Variants in OSBPL2 observed in about 807,000 individuals in gnomAD.
The protein encoded by OSBPL2 is oxysterol-binding protein-related protein 2.
OSBPL2 carries 18 observed loss-of-function variants against 58.4 expected under a neutral mutation model. The ratio of observed to expected loss-of-function variants is 0.31; its 90% CI spans 0.21 to 0.46. The LOEUF (loss-of-function observed/expected upper bound fraction) is 0.46. OSBPL2 is among the 20% of genes least tolerant of loss of function. OSBPL2 has a pLI of 1.00. For missense variants in OSBPL2, 461 were observed against 616.5 expected, an observed-to-expected ratio of 0.75 and a Z score of 2.67; for synonymous variants, 221 against 234.1, an observed-to-expected ratio of 0.94 and a Z score of 0.51.
chr20:62,258,285 A>G (rs1215934639), intron 2 of OSBPL2, among the ~76,000 whole-genome samples: 2 of 152,230 alleles, frequency 1.3e-5, no homozygotes, highest in Non-Finnish European at 2.9e-5. Context: ...ATGCGATGAA[A>G]TACCCGTGCT....
Position 62,283,900 on chromosome 20 carries a change from A to G in OSBPL2, c.873-146A>G, listed in dbSNP as rs1259193578. The G allele has an allele frequency of 3.8e-6, 3 of 790,654 alleles. No homozygotes were observed. The Admixed American group carries it at 8.3e-5, about 22-fold the overall frequency. The allele number at this position is 790,654 out of a possible 1,614,324, so 49.0% of individuals were successfully genotyped here. A position where few individuals can be genotyped will look rare whatever the true frequency, so the allele number is the denominator to read the frequency against. On this transcript the variant is annotated intron_variant, in intron 9 of 13. Transcript: ENST00000313733. ...GGCTACGAATGGTCCCAGAATGCAA[A>G]TTTTCACCTTCGCATTTATGTCCAG...
rs936802031 is a variant in OSBPL2 at position 62,295,914 on chromosome 20, A to C, written c.*2027A>C. On this transcript the variant is annotated 3_prime_UTR_variant, in exon 14 of 14. Coordinates refer to ENST00000313733, the MANE Select transcript of OSBPL2 (RefSeq NM_144498.4). The surrounding 1 kb of genome is among the most constrained non-coding windows in gnomAD (Gnocchi z 4.8). ...CGGGTTTGTTTCCAAGTCCTCTTCTAGGACCAGGCTCCTGGTATTTCAGGG... is the reference window on the plus strand; with the variant it reads ...CGGGTTTGTTTCCAAGTCCTCTTCTCGGACCAGGCTCCTGGTATTTCAGGG... The C allele has an allele frequency of 6.6e-5, 10 of 152,230 alleles. No individual in the cohort carries two copies. Among genetic ancestry groups the C allele is most frequent in the African/African-American group, 2.2e-4 (9 of 41,454 alleles). The allele number at this position is 152,230 out of a possible 1,614,324, so 9.4% of individuals were successfully genotyped here.
chr20:62,243,412 G>C (rs1233691031), intron 1 of OSBPL2, among the ~76,000 whole-genome samples: 2 of 152,042 alleles, frequency 1.3e-5, no homozygotes, highest in Non-Finnish European at 1.5e-5. Flanking sequence ...AGAGGTGCCC[G>C]AGGAGCCCTA....
intron 1 of OSBPL2, among the ~76,000 whole-genome samples, chr20:62,243,031 C>T (rs1263631545): frequency 6.6e-6 from 1 of 152,312 alleles, no homozygotes; most frequent in East Asian, 1.9e-4. Flanking sequence ...AAAGAGCCCC[C>T]TGTAACCTGG....
chr20:62,263,593 C>T (rs373487900), intron 3 of OSBPL2, 23 bp from the exon 4 acceptor site: 27 of 1,605,472 alleles, frequency 1.7e-5, no homozygotes, highest in African/African-American at 1.1e-4. Flanking sequence ...TTCACCCACA[C>T]GCACCCCTTT....
chr20:62,291,350 G>A (rs1983496539), intron 12 of OSBPL2: 1 of 368,004 alleles, frequency 2.7e-6, no homozygotes, highest in Non-Finnish European at 5.3e-6. Flanking sequence ...CACAGGTGGG[G>A]CTGGCTCCCC....
Position 62,293,867 on chromosome 20 carries a change from G to A in OSBPL2, c.1423G>A (p.Asp475Asn), listed in dbSNP as rs773989272. 14 of 1,613,832 alleles carry A rather than the reference G, an allele frequency of 8.7e-6. No individual in the cohort carries two copies. The highest frequency in any genetic ancestry group is 6.7e-5 in the Admixed American group (4 of 59,990). The change falls in exon 14 of 14, where the codon GAC (aspartate) becomes AAC (asparagine). Residue 475 changes from aspartate (D) to asparagine (N), a missense_variant. Physicochemically the swap from Asp to Asn is conservative, Grantham distance 23 (BLOSUM62 1). This residue lies in a region of OSBPL2 where 319 missense variants were observed against 419.2 expected (regional missense o/e 0.76). Coordinates refer to ENST00000313733, the MANE Select transcript of OSBPL2 (RefSeq NM_144498.4). ...AGDYFERNFS[D>N]CPDIY ...GGATTACTTTGAGCGGAATTTCTCC[G>A]ACTGCCCAGATATCTACTGAGGGCC...
chr20:62,238,771 G>A (rs1169645689), intron 1 of OSBPL2, among the ~76,000 whole-genome samples, 174 bp downstream of exon 1: 6 of 151,376 alleles, frequency 4.0e-5, no homozygotes, highest in African/African-American at 9.7e-5. Context: ...CCCCCACTGG[G>A]AGGCGCGCCC....
At chr20:62,242,922 G>A (rs1246253704) in intron 1 of OSBPL2, among the ~76,000 whole-genome samples, 1 of 152,202 alleles carries the variant, frequency 6.6e-6, no homozygotes, top group Non-Finnish European at 1.5e-5. Flanking sequence ...TTCCAGAAAA[G>A]ACGGAGGCAG....
At chr20:62,248,461 T>C (rs1488383353) in intron 1 of OSBPL2, among the ~76,000 whole-genome samples, 1 of 152,196 alleles carries the variant, frequency 6.6e-6, no homozygotes, top group East Asian at 1.9e-4. Flanking sequence ...TGGGCAGAAC[T>C]GTATGAACTT....
chr20:62,283,015 G>C (rs908868108), intron 9 of OSBPL2, among the ~76,000 whole-genome samples: 1 of 152,224 alleles, frequency 6.6e-6, no homozygotes, highest in African/African-American at 2.4e-5. Flanking sequence ...GCAGTCATCA[G>C]TGCCTTGACA....
chr20:62,286,701 A>G lies in OSBPL2; in HGVS notation c.1115A>G (p.Asn372Ser), dbSNP rs761000829. 11 of 1,612,060 alleles carry G rather than the reference A, an allele frequency of 6.8e-6. No homozygotes were observed. Among genetic ancestry groups the G allele is most frequent in the African/African-American group, 2.7e-5 (2 of 74,820 alleles). Reference sequence around the variant, plus strand: ...TGGAGGATCAACACCCGGCCCCCCAACTCTGCCCAGGTCTGTGTCCCTCCA... The same window carrying G: ...TGGAGGATCAACACCCGGCCCCCCAGCTCTGCCCAGGTCTGTGTCCCTCCA... ...LLWRINTRPP[N>S]SAQMYNFTSF... is the part of the protein sequence containing the mutation. Residue 372 changes from asparagine to serine, a missense_variant, in exon 11 of 14, where the codon AAC becomes AGC. By Grantham distance (46) the Asn-to-Ser change is conservative. Around this residue, in one of 5 missense-constraint regions of OSBPL2, gnomAD observed 319 missense variants for 419.2 expected, o/e 0.76. Transcript: ENST00000313733.
rs987953334 is a variant in OSBPL2, at chr20:62,287,335, G to A, written c.1125+624G>A. Among the ~76,000 whole-genome samples the A allele has an allele frequency of 2.6e-5, 4 of 152,020 alleles. No homozygotes were observed. In the South Asian group the frequency reaches 8.3e-4, roughly 32 times the overall value. The stretch of plus-strand genomic sequence containing the variant: ...TTATGCAACTTATGCAATTTTGTAC[G>A]TCCCATAAACAGAGCAGAACATGCG... On this transcript the variant is annotated intron_variant, in intron 11 of 13. Transcript: ENST00000313733.
intron 1 of OSBPL2, among the ~76,000 whole-genome samples, chr20:62,249,732 G>A (rs1049739358): frequency 2.6e-5 from 4 of 151,976 alleles, no homozygotes; most frequent in Non-Finnish European, 5.9e-5. Context: ...GGGCCACCAC[G>A]CCTGGCTAAT....
In OSBPL2 at chr20:62,260,604, CTTG is replaced by C. The variant is rs543500609; in HGVS notation, c.182+484_182+486del. 1.9e-3 allele frequency among the ~76,000 whole-genome samples: 291 copies of C among 152,246 alleles called. 1 individual carries two copies. Among genetic ancestry groups the C allele is most frequent in the African/African-American group, 6.5e-3 (271 of 41,532 alleles). On this transcript the variant is annotated intron_variant, in intron 3 of 13. Coordinates refer to ENST00000313733, the MANE Select transcript of OSBPL2 (RefSeq NM_144498.4). ...TACAGGACAAGAAGCGTTTAATTTC[CTTG>C]TTGTAGCAAGACCTCATTCCCTTTC...
chr20:62,282,275 G>A (rs563577010), intron 9 of OSBPL2, among the ~76,000 whole-genome samples: 1 of 152,292 alleles, frequency 6.6e-6, no homozygotes, highest in East Asian at 1.9e-4. Flanking sequence ...AGACTCAAAT[G>A]TGTTAGCTTG....
intron 1 of OSBPL2, among the ~76,000 whole-genome samples, chr20:62,252,203 G>C (rs549411187): frequency 6.6e-6 from 1 of 152,078 alleles, no homozygotes; most frequent in Admixed American, 6.5e-5. Context: ...TTTTTTTAAA[G>C]ACAGCTTTTT....
At chr20:62,252,952 T>A (rs955365729) in intron 1 of OSBPL2, among the ~76,000 whole-genome samples, 1 of 152,228 alleles carries the variant, frequency 6.6e-6, no homozygotes, top group Non-Finnish European at 1.5e-5. Flanking sequence ...CCATCAGGCC[T>A]GCATCCAACA....
chr20:62,289,189 C>G lies in OSBPL2; in HGVS notation c.1126-18C>G. On this transcript the variant is annotated intron_variant, in intron 11 of 13. Coordinates refer to ENST00000313733, the MANE Select transcript of OSBPL2 (RefSeq NM_144498.4). ...CAGAGGCCCTGCTGAGGTCGTGTCT[C>G]TGTGCCTTGCTCCACAGATGTATAA... 4 of 1,613,220 alleles carry G rather than the reference C, an allele frequency of 2.5e-6. No individual in the cohort carries two copies. Among genetic ancestry groups the G allele is most frequent in the Non-Finnish European group, 3.4e-6 (4 of 1,179,574 alleles).
Sources: gnomAD v4.1 joint callset for allele counts (sites outside exome capture counted in the v4.1 genomes callset) on GRCh38, gnomAD v4.1.1 for gene constraint, gnomAD v4.1.1 regional missense constraint, Gnocchi (gnomAD v3.1) non-coding constraint, MANE v1.5 for transcripts, NCBI Gene and HGNC (gene_info 2026-07-23, HGNC 2026-07-21) for gene names.